Variants in NAA60 observed in about 807,000 individuals in gnomAD.
NAA60 encodes N-alpha-acetyltransferase 60, NatF catalytic subunit, also known as N-alpha-acetyltransferase 60.
NAA60 carries 8 observed loss-of-function variants against 26.1 expected under a neutral mutation model. The ratio of observed to expected loss-of-function variants is 0.31; its 90% CI spans 0.18 to 0.55. NAA60 has a LOEUF of 0.55. Ranked by LOEUF, NAA60 falls within the 20% of genes least tolerant of loss-of-function variation. NAA60 has a pLI of 0.93. For missense variants in NAA60, 290 were observed against 311.3 expected (o/e 0.93, Z 0.51); for synonymous variants, 131 against 122.5 (o/e 1.07, Z -0.46).
intron 2 of NAA60, among the ~76,000 whole-genome samples, chr16:3,474,944 T>A (rs1468051342): frequency 1.3e-5 from 2 of 151,844 alleles, no homozygotes; most frequent in Non-Finnish European, 2.9e-5. Context: ...ATTTATGGGT[T>A]TGTTTATTTA....
intron 2 of NAA60, chr16:3,458,085 G>A (rs889375406): frequency 2.0e-5 from 20 of 985,230 alleles, no homozygotes; most frequent in Non-Finnish European, 2.3e-5. Context: ...TACATAACTC[G>A]TTGCGGGCTC....
At chr16:3,482,285 GTTC>G (rs2036886186) in intron 4 of NAA60, among the ~76,000 whole-genome samples, 2 of 152,166 alleles carry the variant, frequency 1.3e-5, no homozygotes, top group South Asian at 2.1e-4. Flanking sequence ...TTTTGTGTGT[GTTC>G]TTCTTTTCAG....
intron 5 of NAA60, 105 bp from the exon 6 acceptor site, chr16:3,483,258 G>A (rs1596362782): frequency 1.2e-6 from 1 of 818,368 alleles, no homozygotes; most frequent in East Asian, 2.7e-5. Flanking sequence ...CTGATACGGT[G>A]GGCCGAGACA....
chr16:3,460,418 CA>C (rs1472789188), intron 2 of NAA60, among the ~76,000 whole-genome samples: 2 of 152,198 alleles, frequency 1.3e-5, no homozygotes, highest in African/African-American at 4.8e-5. Flanking sequence ...GGCTAGAATG[CA>C]GTGGCGTAAT....
Position 3,478,126 on chromosome 16 carries a change from C to G in NAA60, c.111-1345C>G, listed in dbSNP as rs1415420693. On this transcript the variant is annotated intron_variant, in intron 3 of 7. Transcript: ENST00000407558. ...TGGCACGCACCTGTAACCCCAGCTA[C>G]TCGGGAGGCTGAGGCAGGAGAATCA... Among the ~76,000 whole-genome samples the G allele has an allele frequency of 2.0e-5, 3 of 151,848 alleles. No individual in the cohort carries two copies. In the East Asian group the frequency reaches 5.8e-4, roughly 29 times the overall value.
chr16:3,482,482 C>G lies in NAA60; in HGVS notation c.241-20C>G. ...GCACCAGACGTGTGAGCCTGACTTT[C>G]TCTCTGACTCTTCCTCTAGGATGGA... On this transcript the variant is annotated intron_variant, in intron 4 of 7. Coordinates refer to ENST00000407558, the MANE Select transcript of NAA60 (RefSeq NM_001083601.3). 6.4e-7 allele frequency: 1 copy of G among 1,572,968 alleles called. No homozygotes were observed. Among genetic ancestry groups the G allele is most frequent in the Non-Finnish European group, 8.7e-7 (1 of 1,155,616 alleles).
chr16:3,447,737 C>A, intron 1 of NAA60: 1 of 585,374 alleles, frequency 1.7e-6, no homozygotes, highest in Non-Finnish European at 2.2e-6. Context: ...TATAAGGGGA[C>A]AATGGCTGCA....
chr16:3,443,801 G>T lies in NAA60; in HGVS notation c.-113G>T. On this transcript the variant is annotated 5_prime_UTR_variant, in exon 1 of 8. Transcript: ENST00000407558. ...AGAAGAAGGACAGAAAGAAGACTGG[G>T]AGACACCGGAACTCGAAAGAAAATC... 6.5e-7 allele frequency: 1 copy of T among 1,534,894 alleles called. No individual in the cohort carries two copies. The highest frequency in any genetic ancestry group is 8.7e-7 in the Non-Finnish European group (1 of 1,146,476).
chr16:3,462,026 G>C (rs2035431841), intron 2 of NAA60, among the ~76,000 whole-genome samples: 1 of 145,034 alleles, frequency 6.9e-6, no homozygotes, highest in South Asian at 2.2e-4. Flanking sequence ...GGTGGAGGTT[G>C]CAGTAAGTTG....
At chr16:3,470,457 G>A (rs975744776) in intron 2 of NAA60, among the ~76,000 whole-genome samples, 27 of 152,322 alleles carry the variant, frequency 1.8e-4, no homozygotes, top group South Asian at 6.2e-4. Flanking sequence ...AATGACCCAG[G>A]GCGTCAGCAG....
At position 3,470,991 on chromosome 16, in the gene NAA60, C is replaced by G. The variant is rs1036260355; in HGVS notation, c.-6-5231C>G. On this transcript the variant is annotated intron_variant, in intron 2 of 7. Transcript: ENST00000407558. ...CCATTTTTAAATCGAGTGTAAAGAA[C>G]TGGCCTCCAGAAACACGGAAGCACT... Among the ~76,000 whole-genome samples, 10 of 152,124 alleles carry G rather than the reference C, an allele frequency of 6.6e-5. 1 individual carries two copies. Among genetic ancestry groups the G allele is most frequent in the South Asian group, 4.1e-4 (2 of 4,838 alleles).
intron 2 of NAA60, among the ~76,000 whole-genome samples, chr16:3,449,500 A>G (rs2034687470): frequency 2.0e-5 from 3 of 152,138 alleles, no homozygotes. Flanking sequence ...ACTGGGCGAC[A>G]GAGCAAGACT....
intron 2 of NAA60, among the ~76,000 whole-genome samples, chr16:3,464,283 G>T (rs2035599626): frequency 6.6e-6 from 1 of 152,182 alleles, no homozygotes; most frequent in Non-Finnish European, 1.5e-5. Flanking sequence ...AAAGTGCTGG[G>T]ATTACAGGTG....
intron 5 of NAA60, chr16:3,482,968 A>C: frequency 2.1e-6 from 1 of 471,596 alleles, no homozygotes; most frequent in Non-Finnish European, 3.9e-6. Flanking sequence ...CGAGGAAGCA[A>C]CACTCACCGT....
intron 1 of NAA60, among the ~76,000 whole-genome samples, chr16:3,445,534 C>T (rs960846509): frequency 3.9e-5 from 6 of 151,952 alleles, no homozygotes; most frequent in African/African-American, 1.4e-4. Flanking sequence ...CTCGGCTTCC[C>T]AAAGTGCTGG....
intron 2 of NAA60, among the ~76,000 whole-genome samples, chr16:3,459,114 G>A (rs2035205228): frequency 6.6e-6 from 1 of 152,240 alleles, no homozygotes; most frequent in African/African-American, 2.4e-5. Flanking sequence ...CAACAGAGTA[G>A]TTCGCTTTGG....
At chr16:3,449,448 G>A (rs1285182026) in intron 2 of NAA60, among the ~76,000 whole-genome samples, 2 of 151,552 alleles carry the variant, frequency 1.3e-5, no homozygotes, top group Admixed American at 6.6e-5. Flanking sequence ...AACCTGGGAG[G>A]TGACAGTTGC....
intron 2 of NAA60, among the ~76,000 whole-genome samples, chr16:3,454,722 C>T (rs1436924014): frequency 6.6e-6 from 1 of 152,174 alleles, no homozygotes; most frequent in South Asian, 2.1e-4. Flanking sequence ...CTGAACCATC[C>T]CTGTGACCGG....
At chr16:3,467,485 C>T (rs958062721) in intron 2 of NAA60, among the ~76,000 whole-genome samples, 24 of 152,170 alleles carry the variant, frequency 1.6e-4, no homozygotes, top group Admixed American at 1.5e-3. Context: ...TGAAGCAGTG[C>T]CTTCGAAGGA....
Sources: allele counts gnomAD v4.1 joint callset (sites outside exome capture counted in the v4.1 genomes callset), GRCh38; gene constraint gnomAD v4.1.1; transcripts MANE v1.5; gene names NCBI Gene and HGNC (gene_info 2026-07-23, HGNC 2026-07-21).